Variants in IQCH observed in about 807,000 individuals in gnomAD.
The protein encoded by IQCH is IQ domain-containing protein H.
A neutral mutation model predicts 117.0 loss-of-function variants in IQCH; 98 were observed. The observed-to-expected ratio is 0.84, with a 90% confidence interval of 0.71 to 0.99. IQCH has a LOEUF of 0.99. Among genes scored for constraint, IQCH ranks in the 50% least tolerant of loss-of-function variants. The pLI is 0.00. For synonymous variants in IQCH, 412 were observed against 448.2 expected, an observed-to-expected ratio of 0.92 and a Z score of 1.02; for missense variants, 1,102 against 1,243.8, an observed-to-expected ratio of 0.89 and a Z score of 1.72.
chr15:67,380,384 A>AAAACC (rs1380907080), intron 10 of IQCH, among the ~76,000 whole-genome samples: 2 of 152,218 alleles, frequency 1.3e-5, no homozygotes, highest in Non-Finnish European at 2.9e-5. Flanking sequence ...AGCCCCCCAA[A>AAAACC]AAACCAACTA....
At position 67,400,189 on chromosome 15, in the gene IQCH, T is replaced by C. The variant is rs1173716404; in HGVS notation, c.1981T>C (p.Phe661Leu). ...QRWLFKMDSE[F>L]RGNGTAFCDI... Reference sequence around the variant, plus strand: ...TTGGCTCTTTAAAATGGACTCTGAGTTCCGAGGAAATGGGACTGCATTTTG... The same window carrying C: ...TTGGCTCTTTAAAATGGACTCTGAGCTCCGAGGAAATGGGACTGCATTTTG... The change falls in exon 14 of 21, where the codon TTC becomes CTC. Residue 661 changes from phenylalanine (F) to leucine (L), a missense_variant. By Grantham distance (22) the Phe-to-Leu change is conservative. Transcript: ENST00000335894. 5 of 1,613,738 alleles carry C rather than the reference T, an allele frequency of 3.1e-6. No homozygotes were observed. The highest frequency in any genetic ancestry group is 4.2e-6 in the Non-Finnish European group (5 of 1,179,808).
chr15:67,437,301 G>A (rs946606607), intron 16 of IQCH, among the ~76,000 whole-genome samples: 5 of 152,164 alleles, frequency 3.3e-5, no homozygotes, highest in African/African-American at 1.2e-4. Flanking sequence ...ACCCAGAAGA[G>A]AGACAACAAT....
chr15:67,297,858 C>G (rs781140260), intron 4 of IQCH, among the ~76,000 whole-genome samples: 10 of 152,080 alleles, frequency 6.6e-5, no homozygotes, highest in African/African-American at 2.2e-4. Context: ...AGTTAAAAAG[C>G]TTCTGCACAG....
chr15:67,490,784 C>G lies in IQCH; in HGVS notation c.2861+720C>G, dbSNP rs1187162992. Among the ~76,000 whole-genome samples the G allele has an allele frequency of 6.6e-6, 1 of 152,158 alleles. No individual in the cohort carries two copies. The highest frequency in any genetic ancestry group is 1.5e-5 in the Non-Finnish European group (1 of 68,028). ...CAGGATCTGTAGCTCCTCCTCAGATCCAGTTTCAACCCGGGCGCAGTCTTC... is the reference window on the plus strand; with the variant it reads ...CAGGATCTGTAGCTCCTCCTCAGATGCAGTTTCAACCCGGGCGCAGTCTTC... On this transcript the variant is annotated intron_variant, in intron 19 of 20. Coordinates refer to ENST00000335894, the MANE Select transcript of IQCH (RefSeq NM_001031715.3). The surrounding 1 kb of genome is among the most constrained non-coding windows in gnomAD (Gnocchi z 4.9).
At chr15:67,485,023 C>T (rs1239406031) in intron 18 of IQCH, among the ~76,000 whole-genome samples, 1 of 152,180 alleles carries the variant, frequency 6.6e-6, no homozygotes. Flanking sequence ...CTCCACCGAT[C>T]CCAGCCACTC....
Position 67,316,420 on chromosome 15 carries a change from T to A in IQCH, c.388-20555T>A, listed in dbSNP as rs146033463. 2.6e-5 allele frequency among the ~76,000 whole-genome samples: 4 copies of A among 152,318 alleles called. No homozygotes were observed. The East Asian group carries it at 7.7e-4, about 29-fold the overall frequency. On this transcript the variant is annotated intron_variant, in intron 4 of 20. Coordinates refer to ENST00000335894, the MANE Select transcript of IQCH (RefSeq NM_001031715.3). ...TACTTGTGGAATTATGTCATCTAAT[T>A]TATGGAATTAGCATTTAATCTAAAC...
rs1440752178 is a variant in IQCH, at chr15:67,406,770, T to A, written c.2097+6465T>A. ...ATAACTATAGGCAAATTACTTCAGC[T>A]CTCCAAGTCTCCCTTTCTCTATCTG... is the stretch of plus-strand genomic sequence containing the variant. On this transcript the variant is annotated intron_variant, in intron 14 of 20. Coordinates refer to ENST00000335894, the MANE Select transcript of IQCH (RefSeq NM_001031715.3). The surrounding 1 kb of genome is among the most constrained non-coding windows in gnomAD (Gnocchi z 4.5). The A allele has an allele frequency of 6.6e-6, 1 of 152,142 alleles. No individual in the cohort carries two copies. Among genetic ancestry groups the A allele is most frequent in the Non-Finnish European group, 1.5e-5 (1 of 68,030 alleles). The allele number at this position is 152,142 out of a possible 1,614,324, so 9.4% of individuals were successfully genotyped here.
At chr15:67,442,883 T>C (rs901107919) in intron 16 of IQCH, among the ~76,000 whole-genome samples, 2 of 147,096 alleles carry the variant, frequency 1.4e-5, no homozygotes, top group South Asian at 4.3e-4. Flanking sequence ...TATATATATA[T>C]AAAATACATA....
chr15:67,308,426 C>G (rs1967415333), intron 4 of IQCH, among the ~76,000 whole-genome samples: 2 of 152,008 alleles, frequency 1.3e-5, no homozygotes, highest in African/African-American at 4.8e-5. Context: ...CTCCCTTTTC[C>G]CAGGAGCATT....
In IQCH at chr15:67,491,064, T is replaced by C. The variant is rs547052676; in HGVS notation, c.2861+1000T>C. ...CTCTTCCTTGTAACCTCTACAGCAGTGTAGACATTGTGGCCTCACACTGAA... is the reference window on the plus strand; with the variant it reads ...CTCTTCCTTGTAACCTCTACAGCAGCGTAGACATTGTGGCCTCACACTGAA... On this transcript the variant is annotated intron_variant, in intron 19 of 20. Transcript: ENST00000335894. The surrounding 1 kb of genome is among the most constrained non-coding windows in gnomAD (Gnocchi z 4.9). 1.3e-4 allele frequency among the ~76,000 whole-genome samples: 20 copies of C among 152,288 alleles called. 1 individual carries two copies. In the South Asian group the frequency reaches 4.1e-3, roughly 32 times the overall value.
At chr15:67,461,923 G>A (rs369827098) in intron 16 of IQCH, among the ~76,000 whole-genome samples, 1 of 152,100 alleles carries the variant, frequency 6.6e-6, no homozygotes, top group Admixed American at 6.5e-5. Flanking sequence ...CTAAGAATCT[G>A]CTCTGAAAGG....
chr15:67,339,710 C>T (rs374047286), intron 5 of IQCH, among the ~76,000 whole-genome samples: 2 of 152,114 alleles, frequency 1.3e-5, no homozygotes, highest in African/African-American at 4.8e-5. Flanking sequence ...CCCCTTTTGA[C>T]GAAAACAATC....
intron 4 of IQCH, among the ~76,000 whole-genome samples, chr15:67,291,603 G>T (rs1040598462): frequency 6.6e-6 from 1 of 152,082 alleles, no homozygotes; most frequent in Non-Finnish European, 1.5e-5. Context: ...TCACCCAAAC[G>T]AAAGTTTTGA....
intron 4 of IQCH, among the ~76,000 whole-genome samples, chr15:67,285,043 A>G (rs984475721): frequency 5.3e-5 from 8 of 152,212 alleles, no homozygotes; most frequent in African/African-American, 1.9e-4. Context: ...ACTGTCTTCC[A>G]CAATGGTTGA....
intron 19 of IQCH, among the ~76,000 whole-genome samples, chr15:67,492,084 C>T (rs954374414): frequency 5.3e-5 from 8 of 152,152 alleles, no homozygotes; most frequent in African/African-American, 1.9e-4. Context: ...CTGGGCAGAA[C>T]ATAGGCCACC....
chr15:67,489,945 C>T (rs2083602306), intron 18 of IQCH, 58 bp from the exon 19 acceptor site: 2 of 1,184,556 alleles, frequency 1.7e-6, no homozygotes, highest in Admixed American at 3.5e-5. Flanking sequence ...GTAACATTTT[C>T]TGTACTTTGT....
At chr15:67,347,884 T>C (rs1299641432) in intron 6 of IQCH, among the ~76,000 whole-genome samples, 3 of 147,630 alleles carry the variant, frequency 2.0e-5, no homozygotes, top group Admixed American at 6.8e-5. Context: ...TATATAGATA[T>C]ATATGTTTAT....
rs139955774 is a variant in IQCH at position 67,342,665 on chromosome 15, A to G, written c.509-1398A>G. Among the ~76,000 whole-genome samples the G allele has an allele frequency of 3.1e-3, 467 of 152,354 alleles. 1 individual carries two copies. The highest frequency in any genetic ancestry group is 0.011 in the African/African-American group (448 of 41,588). On this transcript the variant is annotated intron_variant, in intron 5 of 20. Coordinates refer to ENST00000335894, the MANE Select transcript of IQCH (RefSeq NM_001031715.3). The surrounding 1 kb of genome is among the most constrained non-coding windows in gnomAD (Gnocchi z 4.7). ...AAAGAATTAGTCTTACAAGATTTTT[A>G]AAGTAGTTCAATCTAGTGTTATAAA...
At chr15:67,435,750 G>A (rs1472012935) in intron 16 of IQCH, among the ~76,000 whole-genome samples, 2 of 151,680 alleles carry the variant, frequency 1.3e-5, no homozygotes, top group African/African-American at 2.4e-5. Flanking sequence ...GTGCACGCCT[G>A]TAATCCCAGC....
Sources: allele counts gnomAD v4.1 joint callset (sites outside exome capture counted in the v4.1 genomes callset), GRCh38; gene constraint gnomAD v4.1.1; non-coding constraint Gnocchi (gnomAD v3.1); transcripts MANE v1.5; gene names NCBI Gene and HGNC (gene_info 2026-07-23, HGNC 2026-07-21).